Variants in REV3L observed in about 807,000 individuals in gnomAD.
REV3L encodes the protein REV3 like, DNA directed polymerase zeta catalytic subunit.
A neutral mutation model predicts 299.4 loss-of-function variants in REV3L; 69 were observed. The ratio of observed to expected loss-of-function variants is 0.23; its 90% CI spans 0.19 to 0.28. The LOEUF (loss-of-function observed/expected upper bound fraction) is 0.28, where lower values mean the gene tolerates loss of function less well. REV3L is among the 10% of genes least tolerant of loss of function. REV3L has a pLI of 1.00. For synonymous variants in REV3L, 1,238 were observed against 1,271.4 expected, an observed-to-expected ratio of 0.97 and a Z score of 0.56; for missense variants, 3,128 against 3,693.8, an observed-to-expected ratio of 0.85 and a Z score of 3.97.
intron 4 of REV3L, among the ~76,000 whole-genome samples, chr6:111,395,123 G>A (rs1418057912): frequency 3.9e-5 from 6 of 152,042 alleles, no homozygotes; most frequent in South Asian, 2.1e-4. Context: ...TTGTAGTATC[G>A]TTTTGACCTC....
At chr6:111,372,525 TCAATCCCCATAGCATAA>T in intron 13 of REV3L, 54 bp downstream of exon 13, 1 of 1,196,554 alleles carries the variant, frequency 8.4e-7, no homozygotes. Flanking sequence ...TCTTTTTTTT[TCAATCCCCATAGCATAA>T]TTTTATATAT....
At chr6:111,335,668 A>T in intron 21 of REV3L, 58 bp from the exon 22 acceptor site, 2 of 1,526,154 alleles carry the variant, frequency 1.3e-6, no homozygotes, top group Middle Eastern at 1.8e-4. Flanking sequence ...ACTTGAAAAC[A>T]GTACTTTTTT....
Position 111,375,432 on chromosome 6 carries a change from T to A in REV3L, c.2923A>T (p.Ile975Phe), listed in dbSNP as rs770526267. The change falls in exon 13 of 32, where the codon ATC (isoleucine) becomes TTC (phenylalanine). Residue 975 changes from isoleucine to phenylalanine, a missense_variant. By Grantham distance (21) the Ile-to-Phe change is conservative. Coordinates refer to ENST00000368802, the MANE Select transcript of REV3L (RefSeq NM_001372078.1). ...RKMSKKLPPV[I>F]IKYIIINRFR... is the part of the protein sequence containing the mutation. ...CTATTAATAATAATATACTTTATGA[T>A]GACAGGGGGCAGCTTTTTAGACATT... 1 of 1,600,288 alleles carries A rather than the reference T, an allele frequency of 6.2e-7. No homozygotes were observed. The highest frequency in any genetic ancestry group is 1.1e-5 in the South Asian group (1 of 87,794).
intron 17 of REV3L, among the ~76,000 whole-genome samples, chr6:111,357,474 C>T (rs781299872): frequency 2.0e-5 from 3 of 152,180 alleles, no homozygotes; most frequent in African/African-American, 7.2e-5. Context: ...AGGCGGATCA[C>T]GAGGTCAGGA....
chr6:111,358,341 CATA>C (rs1392234213), intron 17 of REV3L, among the ~76,000 whole-genome samples: 1 of 152,012 alleles, frequency 6.6e-6, no homozygotes, highest in Non-Finnish European at 1.5e-5. Context: ...TCTAGGGATA[CATA>C]ATAAGGTGGA....
chr6:111,303,071 T>C (rs1297978229), intron 31 of REV3L, among the ~76,000 whole-genome samples: 1 of 152,176 alleles, frequency 6.6e-6, no homozygotes, highest in Non-Finnish European at 1.5e-5. Flanking sequence ...CACTTTTTTT[T>C]TTAGTTTGTA....
At chr6:111,376,802 A>C in intron 12 of REV3L, 45 bp from the exon 13 acceptor site, 1 of 1,433,018 alleles carries the variant, frequency 7.0e-7, no homozygotes, top group South Asian at 1.5e-5. Flanking sequence ...TTACTCTTTT[A>C]ATTTTTAAGA....
At chr6:111,331,942 A>G (rs1384868932) in intron 23 of REV3L, among the ~76,000 whole-genome samples, 158 bp from the exon 24 acceptor site, 1 of 152,248 alleles carries the variant, frequency 6.6e-6, no homozygotes, top group East Asian at 1.9e-4. Flanking sequence ...CCTCATTACC[A>G]AAATAGTTTT....
At chr6:111,398,919 T>G (rs1485809773) in intron 4 of REV3L, among the ~76,000 whole-genome samples, 1 of 152,130 alleles carries the variant, frequency 6.6e-6, no homozygotes, top group African/African-American at 2.4e-5. Context: ...CAAAACTAAT[T>G]GTGATTTTTG....
At chr6:111,472,119 G>C in intron 1 of REV3L, 1 of 1,278,810 alleles carries the variant, frequency 7.8e-7, no homozygotes, top group Non-Finnish European at 1.0e-6. Flanking sequence ...TTGCTTTTAT[G>C]TGGCTTGTCT....
At chr6:111,320,954 G>C (rs1451872631) in intron 26 of REV3L, among the ~76,000 whole-genome samples, 1 of 152,172 alleles carries the variant, frequency 6.6e-6, no homozygotes, top group African/African-American at 2.4e-5. Context: ...CCTGGCCAAT[G>C]TTTGTTGAAT....
At chr6:111,361,783 G>A (rs1778708514) in intron 16 of REV3L, among the ~76,000 whole-genome samples, 1 of 152,136 alleles carries the variant, frequency 6.6e-6, no homozygotes, top group South Asian at 2.1e-4. Flanking sequence ...AATGCCACAA[G>A]CATAATTTCC....
At chr6:111,387,110 C>T (rs1306653602) in intron 9 of REV3L, among the ~76,000 whole-genome samples, 1 of 152,182 alleles carries the variant, frequency 6.6e-6, no homozygotes, top group African/African-American at 2.4e-5. Context: ...TATCTCCATA[C>T]ATACTGATAG....
chr6:111,449,497 A>G (rs1789253078), intron 1 of REV3L, among the ~76,000 whole-genome samples: 1 of 152,226 alleles, frequency 6.6e-6, no homozygotes. Context: ...AAGCAGAAAA[A>G]TAAGTAACTA....
intron 1 of REV3L, among the ~76,000 whole-genome samples, chr6:111,466,180 T>A (rs1056701188): frequency 2.0e-5 from 3 of 152,236 alleles, no homozygotes; most frequent in Non-Finnish European, 4.4e-5. Context: ...ATTTTTAATG[T>A]ATTTTAAAGA....
At chr6:111,420,476 T>C (rs6915753) in intron 1 of REV3L, among the ~76,000 whole-genome samples, 102,339 of 152,014 alleles carry the variant, frequency 0.67, 36,617 homozygotes, top group Non-Finnish European at 0.81. Flanking sequence ...TCATGTCTAG[T>C]TGAAACTTCA....
At chr6:111,358,050 C>A (rs541601717) in intron 17 of REV3L, among the ~76,000 whole-genome samples, 23 of 152,248 alleles carry the variant, frequency 1.5e-4, no homozygotes, top group Admixed American at 1.0e-3. Context: ...GTATTCTGTG[C>A]TAAGACTTCC....
intron 1 of REV3L, among the ~76,000 whole-genome samples, chr6:111,477,525 G>C (rs540882554): frequency 2.6e-5 from 4 of 152,176 alleles, no homozygotes; most frequent in Non-Finnish European, 4.4e-5. Flanking sequence ...CAGGGGCAAC[G>C]GCAGGTACAA....
At chr6:111,364,135 A>T (rs750600688) in intron 15 of REV3L, among the ~76,000 whole-genome samples, 157 bp from the exon 16 acceptor site, 2 of 152,184 alleles carry the variant, frequency 1.3e-5, no homozygotes, top group Non-Finnish European at 1.5e-5. Flanking sequence ...GTATTTTATT[A>T]ATGTTATTTT....
Sources: gnomAD v4.1 joint callset for allele counts (sites outside exome capture counted in the v4.1 genomes callset) on GRCh38, gnomAD v4.1.1 for gene constraint, MANE v1.5 for transcripts, NCBI Gene and HGNC (gene_info 2026-07-23, HGNC 2026-07-21) for gene names.